The following ARHGEF18 variants were observed in gnomAD, a reference collection of about 807,000 sequenced individuals.
ARHGEF18 encodes the protein Rho/Rac guanine nucleotide exchange factor 18.
In ARHGEF18, 93 loss-of-function variants were observed where a neutral mutation model predicts 155.7. That is an observed-to-expected ratio of 0.60 (90% CI 0.50 to 0.71). ARHGEF18 has a LOEUF of 0.71. ARHGEF18 is among the 30% of genes least tolerant of loss of function. ARHGEF18 has a pLI of 0.00. For synonymous variants in ARHGEF18, 742 were observed against 753.1 expected (o/e 0.99, Z 0.24); for missense variants, 1,593 against 1,816.1 (o/e 0.88, Z 2.23).
chr19:7,421,495 T>C (rs12978425), intron 10 of ARHGEF18, among the ~76,000 whole-genome samples: 76,944 of 152,042 alleles, frequency 0.51, 20,320 homozygotes, highest in Middle Eastern at 0.72. Flanking sequence ...TTGCAGTGGC[T>C]CACACCTGTA....
chr19:7,375,679 C>G, intron 3 of ARHGEF18, 41 bp from the exon 4 acceptor site: 1 of 1,233,758 alleles, frequency 8.1e-7, no homozygotes, highest in Non-Finnish European at 1.0e-6. Context: ...GCCAGGTGGG[C>G]AAGACCTGCT....
At chr19:7,445,701 C>G (rs1378269081) in intron 14 of ARHGEF18, among the ~76,000 whole-genome samples, 1 of 152,124 alleles carries the variant, frequency 6.6e-6, no homozygotes, top group Non-Finnish European at 1.5e-5. Context: ...CTCACTGCAA[C>G]CTGCACCTCC....
intron 1 of ARHGEF18, among the ~76,000 whole-genome samples, chr19:7,357,239 A>G (rs1410550758): frequency 6.6e-6 from 1 of 152,172 alleles, no homozygotes; most frequent in African/African-American, 2.4e-5. Context: ...GAGGGTTTTT[A>G]GATCCAACGG....
At chr19:7,365,206 C>A (rs991718528) in intron 2 of ARHGEF18, among the ~76,000 whole-genome samples, 2 of 152,178 alleles carry the variant, frequency 1.3e-5, no homozygotes, top group Non-Finnish European at 2.9e-5. Flanking sequence ...TGAGACCAGT[C>A]TGGGCAACAT....
At chr19:7,351,912 C>T (rs941862077) in intron 1 of ARHGEF18, among the ~76,000 whole-genome samples, 6 of 151,876 alleles carry the variant, frequency 4.0e-5, no homozygotes, top group African/African-American at 1.2e-4. Context: ...CCAGGCTGGT[C>T]TTGAATTCCT....
the ARHGEF18 span, among the ~76,000 whole-genome samples, chr19:7,478,766 G>A: frequency 1.3e-5 from 2 of 152,226 alleles, no homozygotes; most frequent in African/African-American, 2.4e-5. Flanking sequence ...TTTCCCCTCC[G>A]GGCCTCAGCT....
At chr19:7,398,647 C>T (rs1369698603) in intron 10 of ARHGEF18, among the ~76,000 whole-genome samples, 3 of 150,410 alleles carry the variant, frequency 2.0e-5, no homozygotes, top group Non-Finnish European at 4.4e-5. Flanking sequence ...GCCGAGATCA[C>T]GCCATTGCAC....
At position 7,381,037 on chromosome 19, in the gene ARHGEF18, C is replaced by T. The variant is rs904889558; in HGVS notation, c.722+43C>T. Reference sequence around the variant, plus strand: ...CTTCTGGGGAGGGCAGCCTTGGATTCGAACAAGTGTTTACAGATGGTCCTT... The same window carrying T: ...CTTCTGGGGAGGGCAGCCTTGGATTTGAACAAGTGTTTACAGATGGTCCTT... On this transcript the variant is annotated intron_variant, in intron 8 of 28. Coordinates refer to ENST00000668164, the MANE Select transcript of ARHGEF18 (RefSeq NM_001367823.1). The T allele has an allele frequency of 3.4e-5, 41 of 1,220,740 alleles. No homozygotes were observed. The South Asian group carries it at 7.5e-4, about 22-fold the overall frequency. The allele number at this position is 1,220,740 out of a possible 1,614,324, so 75.6% of individuals were successfully genotyped here.
intron 6 of ARHGEF18, 121 bp from the exon 7 acceptor site, chr19:7,379,001 C>A (rs936302444): frequency 2.4e-6 from 2 of 822,326 alleles, no homozygotes; most frequent in South Asian, 6.1e-5. Context: ...CTGACTGTGG[C>A]TTTGAGTAGG....
At chr19:7,373,863 T>C (rs1036524782) in intron 3 of ARHGEF18, among the ~76,000 whole-genome samples, 2 of 150,382 alleles carry the variant, frequency 1.3e-5, no homozygotes, top group Admixed American at 6.6e-5. Flanking sequence ...TTTTTTTTTT[T>C]TTTTTGAGAC....
intron 2 of ARHGEF18, among the ~76,000 whole-genome samples, chr19:7,364,090 T>C (rs1411804273): frequency 1.4e-5 from 2 of 143,714 alleles, no homozygotes; most frequent in Non-Finnish European, 3.0e-5. Flanking sequence ...GATGAATGGA[T>C]GGATGAGAAG....
intron 1 of ARHGEF18, among the ~76,000 whole-genome samples, chr19:7,360,045 C>T (rs1162325521): frequency 6.6e-6 from 1 of 152,016 alleles, no homozygotes; most frequent in African/African-American, 2.4e-5. Flanking sequence ...GTCCCAGCTA[C>T]TCAGAAGTCT....
chr19:7,350,985 G>C (rs151256639), intron 1 of ARHGEF18, among the ~76,000 whole-genome samples: 1 of 151,802 alleles, frequency 6.6e-6, no homozygotes, highest in East Asian at 1.9e-4. Flanking sequence ...TGTATTTTTA[G>C]TAGAGACAGG....
At chr19:7,365,866 A>G (rs1177470688) in intron 2 of ARHGEF18, among the ~76,000 whole-genome samples, 1 of 152,050 alleles carries the variant, frequency 6.6e-6, no homozygotes, top group Non-Finnish European at 1.5e-5. Context: ...TCCCCCAGGT[A>G]ATCTGCACGG....
At chr19:7,464,483 G>A in intron 22 of ARHGEF18, 77 bp from the exon 23 acceptor site, 1 of 1,533,166 alleles carries the variant, frequency 6.5e-7, no homozygotes, top group Non-Finnish European at 8.8e-7. Flanking sequence ...CCTGGGCAGG[G>A]GCTGGGGGTG....
rs183181993 is a variant in ARHGEF18, at chr19:7,429,396, C to G, written c.968-10948C>G. ...GGCAGGCAGATCACTTGAGGTCAGGCTTTTGAGACCAGCTTGGCCAACGTG... is the reference window on the plus strand; with the variant it reads ...GGCAGGCAGATCACTTGAGGTCAGGGTTTTGAGACCAGCTTGGCCAACGTG... On this transcript the variant is annotated intron_variant, in intron 10 of 28. Coordinates refer to ENST00000668164, the MANE Select transcript of ARHGEF18 (RefSeq NM_001367823.1). Among the ~76,000 whole-genome samples, 468 of 152,146 alleles carry G rather than the reference C, an allele frequency of 3.1e-3. 1 individual carries two copies. The highest frequency in any genetic ancestry group is 5.2e-3 in the Non-Finnish European group (354 of 68,010).
chr19:7,362,085 G>A (rs1969616621), intron 1 of ARHGEF18, among the ~76,000 whole-genome samples: 2 of 15,706 alleles, frequency 1.3e-4, no homozygotes, highest in East Asian at 3.1e-3. Context: ...AGGAGAAGGA[G>A]AAGGAGAAGG....
chr19:7,363,566 ATGAT>A (rs1301004915), intron 2 of ARHGEF18, among the ~76,000 whole-genome samples: 4 of 151,870 alleles, frequency 2.6e-5, no homozygotes, highest in South Asian at 2.1e-4. Context: ...GGATACATGA[ATGAT>A]TGATGAATAA....
chr19:7,457,155 A>C (rs1174214732), intron 18 of ARHGEF18, among the ~76,000 whole-genome samples: 1 of 152,102 alleles, frequency 6.6e-6, no homozygotes, highest in African/African-American at 2.4e-5. Context: ...CTGAAAGTCC[A>C]AGATGAAGGT....
Sources: gnomAD v4.1 joint callset for allele counts (sites outside exome capture counted in the v4.1 genomes callset) on GRCh38, gnomAD v4.1.1 for gene constraint, MANE v1.5 for transcripts, NCBI Gene and HGNC (gene_info 2026-07-23, HGNC 2026-07-21) for gene names.